Variants in ZFPM2 observed in about 807,000 individuals in gnomAD.
ZFPM2 encodes zinc finger protein, FOG family member 2.
Under a neutral mutation model 98.6 loss-of-function variants are expected in ZFPM2, and 20 were observed. That is an observed-to-expected ratio of 0.20 (90% CI 0.14 to 0.29). ZFPM2 has a LOEUF of 0.29. Ranked by LOEUF, ZFPM2 falls within the 10% of genes least tolerant of loss-of-function variation. The pLI is 1.00. For synonymous variants in ZFPM2, 518 were observed against 502.7 expected (o/e 1.03, Z -0.41); for missense variants, 1,310 against 1,388.6 (o/e 0.94, Z 0.90).
chr8:105,649,273 T>C (rs1817119231), intron 5 of ZFPM2, among the ~76,000 whole-genome samples: 1 of 152,194 alleles, frequency 6.6e-6, no homozygotes, highest in Non-Finnish European at 1.5e-5. Context: ...CTTAAGGAGA[T>C]TTTGGGCTGA....
chr8:105,393,611 C>T (rs376405718), intron 1 of ZFPM2, among the ~76,000 whole-genome samples: 104 of 152,080 alleles, frequency 6.8e-4, no homozygotes, highest in African/African-American at 2.3e-3. Context: ...AAATCAGCCA[C>T]GTTCTGTTAT....
At chr8:105,416,034 A>G (rs1009987609) in intron 1 of ZFPM2, among the ~76,000 whole-genome samples, 92 of 152,088 alleles carry the variant, frequency 6.0e-4, no homozygotes, top group African/African-American at 2.1e-3. Context: ...TTTTAATTCC[A>G]TGCTTGGAAT....
chr8:105,328,857 T>G (rs1812162315), intron 1 of ZFPM2, among the ~76,000 whole-genome samples: 1 of 151,816 alleles, frequency 6.6e-6, no homozygotes, highest in Admixed American at 6.6e-5. Flanking sequence ...TAAGTACTCT[T>G]GCGTTTTTTG....
chr8:105,614,120 AT>A (rs1816365250), intron 4 of ZFPM2, among the ~76,000 whole-genome samples: 1 of 152,136 alleles, frequency 6.6e-6, no homozygotes, highest in Admixed American at 6.6e-5. Context: ...TACCCATTTT[AT>A]TTTAGCCAAT....
intron 1 of ZFPM2, among the ~76,000 whole-genome samples, chr8:105,376,989 C>T (rs1212530388): frequency 6.6e-6 from 1 of 152,166 alleles, no homozygotes; most frequent in Admixed American, 6.5e-5. Flanking sequence ...GCTCTCTGTC[C>T]TCATCTTGTA....
At chr8:105,559,435 G>A (rs1815077715) in intron 3 of ZFPM2, among the ~76,000 whole-genome samples, 1 of 152,098 alleles carries the variant, frequency 6.6e-6, no homozygotes, top group Admixed American at 6.6e-5. Context: ...TTAATTTAAT[G>A]TGTTCTTCAA....
chr8:105,543,157 G>A (rs1199000955), intron 3 of ZFPM2, among the ~76,000 whole-genome samples: 9 of 152,200 alleles, frequency 5.9e-5, no homozygotes, highest in South Asian at 4.1e-4. Context: ...GATTAAAGTC[G>A]TCTGAAGAAT....
At chr8:105,401,188 G>A (rs948660804) in intron 1 of ZFPM2, among the ~76,000 whole-genome samples, 2 of 151,324 alleles carry the variant, frequency 1.3e-5, no homozygotes, top group African/African-American at 4.9e-5. Context: ...GTTTTTTACT[G>A]TTTGAAATTA....
chr8:105,635,761 A>G (rs186324157), intron 5 of ZFPM2, among the ~76,000 whole-genome samples: 91 of 152,352 alleles, frequency 6.0e-4, no homozygotes, highest in African/African-American at 2.0e-3. Flanking sequence ...TCATTGTATC[A>G]ATATAGTATG....
intron 5 of ZFPM2, among the ~76,000 whole-genome samples, chr8:105,749,847 C>G (rs1244074547): frequency 6.6e-6 from 1 of 151,824 alleles, no homozygotes; most frequent in African/African-American, 2.4e-5. Context: ...CAGGAATATG[C>G]TATTCTGTTG....
At chr8:105,525,540 C>T (rs552698571) in intron 3 of ZFPM2, among the ~76,000 whole-genome samples, 1 of 152,070 alleles carries the variant, frequency 6.6e-6, no homozygotes. Flanking sequence ...GTGTAAAAAC[C>T]AGACTGGTGA....
At chr8:105,739,609 CTT>C (rs952633959) in intron 5 of ZFPM2, among the ~76,000 whole-genome samples, 1 of 145,080 alleles carries the variant, frequency 6.9e-6, no homozygotes. Context: ...TAAATTTTTG[CTT>C]TTTTTTTTTA....
intron 4 of ZFPM2, among the ~76,000 whole-genome samples, chr8:105,586,433 AT>A (rs1025598924): frequency 3.3e-5 from 5 of 151,658 alleles, no homozygotes; most frequent in Middle Eastern, 3.4e-3. Flanking sequence ...TTTATTTATT[AT>A]TTTTTTGAGA....
intron 3 of ZFPM2, among the ~76,000 whole-genome samples, chr8:105,500,712 ATGT>A (rs574610465): frequency 9.2e-4 from 140 of 152,274 alleles, no homozygotes; most frequent in Non-Finnish European, 1.9e-3. Context: ...ACATAAACCT[ATGT>A]TGTTTTAAAT....
At chr8:105,626,996 T>C (rs17218705) in intron 4 of ZFPM2, among the ~76,000 whole-genome samples, 48,672 of 152,090 alleles carry the variant, frequency 0.32, 7,961 homozygotes, top group South Asian at 0.41. Flanking sequence ...CTATGACTTT[T>C]GGCTCTTTCT....
intron 5 of ZFPM2, among the ~76,000 whole-genome samples, chr8:105,644,926 T>G (rs751269618): frequency 6.6e-6 from 1 of 152,180 alleles, no homozygotes; most frequent in Admixed American, 6.5e-5. Flanking sequence ...TTCCAACATA[T>G]ACATTTTGGG....
At chr8:105,608,343 C>G (rs989545171) in intron 4 of ZFPM2, among the ~76,000 whole-genome samples, 14 of 152,026 alleles carry the variant, frequency 9.2e-5, no homozygotes, top group Admixed American at 2.6e-4. Flanking sequence ...AAGAAAAAAT[C>G]CTTAAAAACA....
At chr8:105,345,561 A>G (rs1812508511) in intron 1 of ZFPM2, among the ~76,000 whole-genome samples, 1 of 150,516 alleles carries the variant, frequency 6.6e-6, no homozygotes, top group African/African-American at 2.4e-5. Flanking sequence ...CCTTAAACGT[A>G]TGGAAGCTCT....
chr8:105,585,766 G>A (rs1381834245), intron 4 of ZFPM2, among the ~76,000 whole-genome samples: 1 of 152,118 alleles, frequency 6.6e-6, no homozygotes, highest in Non-Finnish European at 1.5e-5. Flanking sequence ...CCAGGAGTTT[G>A]AGGTTGCAGT....
Sources: gnomAD v4.1 joint callset for allele counts (sites outside exome capture counted in the v4.1 genomes callset) on GRCh38, gnomAD v4.1.1 for gene constraint, MANE v1.5 for transcripts, NCBI Gene and HGNC (gene_info 2026-07-23, HGNC 2026-07-21) for gene names.